NRCAM: variants seen among roughly 807,000 people sequenced by gnomAD.
NRCAM encodes the protein neuronal cell adhesion molecule.
Under a neutral mutation model 156.5 loss-of-function variants are expected in NRCAM, and 83 were observed. The observed-to-expected ratio is 0.53, with a 90% CI of 0.44 to 0.64. The LOEUF is 0.64. Among genes scored for constraint, NRCAM ranks in the 30% least tolerant of loss-of-function variants. NRCAM has a pLI of 0.00. For missense variants in NRCAM, 1,417 were observed against 1,597.3 expected (o/e 0.89, Z 1.92); for synonymous variants, 538 against 563.9 (o/e 0.95, Z 0.65).
intron 20 of NRCAM, among the ~76,000 whole-genome samples, chr7:108,186,816 C>G (rs1045226929): frequency 1.3e-5 from 2 of 152,158 alleles, no homozygotes; most frequent in African/African-American, 2.4e-5. Flanking sequence ...ACCTTGTAAA[C>G]AGATTGGACA....
intron 1 of NRCAM, among the ~76,000 whole-genome samples, chr7:108,432,957 A>G (rs1302736944): frequency 6.6e-6 from 1 of 151,836 alleles, no homozygotes; most frequent in African/African-American, 2.4e-5. Flanking sequence ...GGAGAAGGAG[A>G]AGGAGGAGAA....
At chr7:108,158,820 T>C (rs1410742201) in intron 32 of NRCAM, among the ~76,000 whole-genome samples, 2 of 152,212 alleles carry the variant, frequency 1.3e-5, no homozygotes, top group Non-Finnish European at 1.5e-5. Context: ...AAAAGATTTA[T>C]CTTTGTTTAA....
intron 3 of NRCAM, among the ~76,000 whole-genome samples, chr7:108,267,593 T>A (rs549697184): frequency 6.0e-4 from 92 of 152,354 alleles, no homozygotes; most frequent in African/African-American, 2.1e-3. Context: ...ACACATTTTT[T>A]AAAAGGGAAA....
chr7:108,324,561 A>G (rs969348120), intron 2 of NRCAM, among the ~76,000 whole-genome samples: 6 of 152,134 alleles, frequency 3.9e-5, no homozygotes, highest in Admixed American at 3.3e-4. Context: ...AGTTCTCTGT[A>G]AAGACACCTG....
At chr7:108,440,630 A>T (rs1312669372) in intron 1 of NRCAM, among the ~76,000 whole-genome samples, 1 of 152,044 alleles carries the variant, frequency 6.6e-6, no homozygotes, top group Non-Finnish European at 1.5e-5. Context: ...TCTAAAGGTA[A>T]CTCTACTGAT....
chr7:108,251,460 C>T (rs763928599), intron 3 of NRCAM, among the ~76,000 whole-genome samples: 1 of 152,162 alleles, frequency 6.6e-6, no homozygotes, highest in Non-Finnish European at 1.5e-5. Context: ...GTCTGCCTTC[C>T]TAGACTCAAC....
chr7:108,282,609 T>C (rs978889926), intron 3 of NRCAM, among the ~76,000 whole-genome samples: 1 of 152,242 alleles, frequency 6.6e-6, no homozygotes, highest in Non-Finnish European at 1.5e-5. Context: ...TTCTGGCAAC[T>C]GGCCAAAGCA....
chr7:108,202,036 G>A (rs2078453211), intron 13 of NRCAM, among the ~76,000 whole-genome samples: 1 of 152,162 alleles, frequency 6.6e-6, no homozygotes, highest in African/African-American at 2.4e-5. Context: ...GGATGGGCTG[G>A]CTAGTGGGTA....
At chr7:108,284,272 C>G (rs967311817) in intron 3 of NRCAM, among the ~76,000 whole-genome samples, 1 of 152,194 alleles carries the variant, frequency 6.6e-6, no homozygotes, top group African/African-American at 2.4e-5. Flanking sequence ...CATCCACACT[C>G]CTGTCTCCTC....
At chr7:108,367,591 T>C (rs1025491801) in intron 2 of NRCAM, among the ~76,000 whole-genome samples, 8 of 152,190 alleles carry the variant, frequency 5.3e-5, no homozygotes, top group Non-Finnish European at 1.0e-4. Context: ...AGCTAGATTT[T>C]GGAAATGTGC....
intron 28 of NRCAM, among the ~76,000 whole-genome samples, chr7:108,172,555 C>T (rs911114661): frequency 2.6e-5 from 4 of 152,158 alleles, no homozygotes; most frequent in African/African-American, 7.2e-5. Flanking sequence ...CTCAGCTTCC[C>T]AAAGTGCTGG....
intron 2 of NRCAM, among the ~76,000 whole-genome samples, chr7:108,349,280 T>G (rs1280414750): frequency 1.3e-5 from 2 of 152,038 alleles, no homozygotes; most frequent in Non-Finnish European, 1.5e-5. Context: ...ACTCTTTTTT[T>G]TTTTTTGAGA....
chr7:108,236,738 C>CA (rs2095057581), intron 5 of NRCAM, among the ~76,000 whole-genome samples: 1 of 151,852 alleles, frequency 6.6e-6, no homozygotes, highest in Non-Finnish European at 1.5e-5. Flanking sequence ...AGATTCACCT[C>CA]TGAATGATCC....
At chr7:108,314,520 A>G (rs2098858695) in intron 2 of NRCAM, among the ~76,000 whole-genome samples, 1 of 152,214 alleles carries the variant, frequency 6.6e-6, no homozygotes, top group African/African-American at 2.4e-5. Flanking sequence ...GAAAAGACAG[A>G]TAACATCCAC....
chr7:108,235,868 C>G (rs536849609), intron 5 of NRCAM, among the ~76,000 whole-genome samples: 1 of 152,138 alleles, frequency 6.6e-6, no homozygotes, highest in African/African-American at 2.4e-5. Flanking sequence ...CTGAGGCAGA[C>G]GACAATGTGC....
At chr7:108,389,627 T>G (rs1478081174) in intron 2 of NRCAM, among the ~76,000 whole-genome samples, 2 of 152,232 alleles carry the variant, frequency 1.3e-5, no homozygotes, top group Non-Finnish European at 2.9e-5. Flanking sequence ...TATCCCTGTC[T>G]TGTGCCAGTT....
intron 3 of NRCAM, among the ~76,000 whole-genome samples, chr7:108,254,551 C>CTTTTTTTTTTTT (rs71137620): frequency 2.5e-4 from 33 of 130,320 alleles, no homozygotes; most frequent in African/African-American, 9.6e-4. Context: ...AACAATTTTG[C>CTTTTTTTTTTTT]TTTTTTTTTT....
intron 3 of NRCAM, among the ~76,000 whole-genome samples, chr7:108,288,243 G>C (rs903953397): frequency 6.6e-6 from 1 of 152,106 alleles, no homozygotes; most frequent in African/African-American, 2.4e-5. Context: ...CAAGAGGTGG[G>C]AGAGTGGGAG....
chr7:108,261,929 C>A (rs549519325), intron 3 of NRCAM, among the ~76,000 whole-genome samples: 1 of 152,094 alleles, frequency 6.6e-6, no homozygotes, highest in Non-Finnish European at 1.5e-5. Context: ...CCATTTCATC[C>A]CCTGGCAGAC....
Sources: gnomAD v4.1 joint callset for allele counts (sites outside exome capture counted in the v4.1 genomes callset) on GRCh38, gnomAD v4.1.1 for gene constraint, MANE v1.5 for transcripts, NCBI Gene and HGNC (gene_info 2026-07-23, HGNC 2026-07-21) for gene names.